Variants in CEACAM6 observed in about 807,000 individuals in gnomAD.
CEACAM6 encodes the protein cell adhesion molecule CEACAM6.
Under a neutral mutation model 32.4 loss-of-function variants are expected in CEACAM6, and 21 were observed. The ratio of observed to expected loss-of-function variants is 0.65; its 90% CI spans 0.46 to 0.93. CEACAM6 has a LOEUF of 0.93. CEACAM6 is among the 40% of genes least tolerant of loss of function. CEACAM6 has a pLI of 0.00. For synonymous variants in CEACAM6, 184 were observed against 174.4 expected, an observed-to-expected ratio of 1.06 and a Z score of -0.43; for missense variants, 406 against 432.2, an observed-to-expected ratio of 0.94 and a Z score of 0.54.
rs536628621 is a variant in CEACAM6 at position 41,756,020 on chromosome 19, A to G, written c.64+318A>G. ...AATAAAAATATAACAAGGAAACTAA[A>G]TGCTGCCCTTACTCACCAATCAGAA... On this transcript the variant is annotated intron_variant, in intron 1 of 5. Coordinates refer to ENST00000199764, the MANE Select transcript of CEACAM6 (RefSeq NM_002483.7). 5.3e-5 allele frequency among the ~76,000 whole-genome samples: 8 copies of G among 152,332 alleles called. No homozygotes were observed. The East Asian group carries it at 1.3e-3, about 26-fold the overall frequency.
chr19:41,766,129 G>A, intron 4 of CEACAM6, 54 bp from the exon 5 acceptor site: 2 of 1,267,996 alleles, frequency 1.6e-6, no homozygotes. Context: ...TAGTTCTTGG[G>A]GACCCCACTG....
intron 2 of CEACAM6, among the ~76,000 whole-genome samples, chr19:41,757,350 C>A (rs2072895055): frequency 6.6e-6 from 1 of 152,040 alleles, no homozygotes; most frequent in South Asian, 2.1e-4. Context: ...AACTGAGCCC[C>A]TGTACAAAGC....
chr19:41,766,251 C>T lies in CEACAM6; in HGVS notation c.1027C>T (p.Leu343=), dbSNP rs781991656. ...ITIGVLARVA[L]I ...GATTGGAGTGCTGGCCAGGGTGGCT[C>T]TGATATAGCAGCCCTGGTGTATTTT... Residue 343 remains leucine (L), a synonymous_variant, in exon 5 of 6, where the codon CTG becomes TTG. Transcript: ENST00000199764. The T allele has an allele frequency of 1.9e-6, 3 of 1,597,648 alleles. No individual in the cohort carries two copies. The East Asian group carries it at 6.9e-5, about 37-fold the overall frequency.
rs781914931 is a variant in CEACAM6, at chr19:41,766,268, G to T, written c.*9G>T. ...GGGTGGCTCTGATATAGCAGCCCTG[G>T]TGTATTTTCGATATTTCAGGAAGAC... On this transcript the variant is annotated 3_prime_UTR_variant, in exon 5 of 6. Coordinates refer to ENST00000199764, the MANE Select transcript of CEACAM6 (RefSeq NM_002483.7). The T allele has an allele frequency of 1.5e-5, 24 of 1,579,732 alleles. No individual in the cohort carries two copies. Among genetic ancestry groups the T allele is most frequent in the Non-Finnish European group, 2.1e-5 (24 of 1,163,830 alleles).
At chr19:41,766,406 G>A (rs1216858024) in intron 5 of CEACAM6, 107 bp downstream of exon 5, 8 of 521,288 alleles carry the variant, frequency 1.5e-5, no homozygotes, top group East Asian at 1.4e-4. Context: ...TCCTTCTACC[G>A]CTAAACTCCT....
intron 2 of CEACAM6, among the ~76,000 whole-genome samples, chr19:41,760,494 G>T (rs1280995024): frequency 6.6e-6 from 1 of 152,190 alleles, no homozygotes. Context: ...CGCAGAGGGA[G>T]AAGAAACATT....
chr19:41,762,114 G>A lies in CEACAM6; in HGVS notation c.849G>A (p.Glu283=). 6.2e-7 allele frequency: 1 copy of A among 1,614,136 alleles called. No individual in the cohort carries two copies. The highest frequency in any genetic ancestry group is 8.5e-7 in the Non-Finnish European group (1 of 1,180,018). ...INGTFQQSTQ[E]LFIPNITVNN... is the part of the protein sequence containing the mutation. ...GGACGTTCCAGCAATCCACACAAGA[G>A]CTCTTTATCCCCAACATCACTGTGA... Residue 283 remains glutamate, a synonymous_variant, in exon 4 of 6, where the codon GAG becomes GAA. Transcript: ENST00000199764.
At chr19:41,759,094 C>G (rs2072907405) in intron 2 of CEACAM6, among the ~76,000 whole-genome samples, 1 of 152,248 alleles carries the variant, frequency 6.6e-6, no homozygotes, top group Admixed American at 6.5e-5. Flanking sequence ...CATCCATTGA[C>G]TTCCGTCCTC....
intron 4 of CEACAM6, among the ~76,000 whole-genome samples, chr19:41,762,754 C>A (rs528581085): frequency 1.3e-5 from 2 of 152,326 alleles, no homozygotes; most frequent in African/African-American, 4.8e-5. Flanking sequence ...ACTGACCCCA[C>A]CCTGAAGCCA....
At chr19:41,759,255 C>A (rs1468155123) in intron 2 of CEACAM6, among the ~76,000 whole-genome samples, 1 of 152,190 alleles carries the variant, frequency 6.6e-6, no homozygotes, top group Non-Finnish European at 1.5e-5. Flanking sequence ...GGTGGGGTCC[C>A]TTGGACTGAG....
chr19:41,762,209 T>C lies in CEACAM6; in HGVS notation c.944T>C (p.Met315Thr). The change falls in exon 4 of 6, where the codon ATG (methionine) becomes ACG (threonine). Residue 315 changes from methionine to threonine, a missense_variant. By Grantham distance (81) the Met-to-Thr change is moderately conservative (BLOSUM62 -1). Transcript: ENST00000199764. Reference sequence around the variant, plus strand: ...GGCCTCAATAGGACCACAGTCACGATGATCACAGTCTCTGGTAAGTGGATC... The same window carrying C: ...GGCCTCAATAGGACCACAGTCACGACGATCACAGTCTCTGGTAAGTGGATC... Reference protein sequence around the residue: ...ATGLNRTTVTMITVSGSAPVL... With the variant: ...ATGLNRTTVTTITVSGSAPVL... 5 of 1,614,018 alleles carry C rather than the reference T, an allele frequency of 3.1e-6. No individual in the cohort carries two copies. The highest frequency in any genetic ancestry group is 1.1e-5 in the South Asian group (1 of 91,076).
chr19:41,759,938 C>A (rs560483714), intron 2 of CEACAM6, among the ~76,000 whole-genome samples: 42 of 152,324 alleles, frequency 2.8e-4, no homozygotes, highest in African/African-American at 9.6e-4. Context: ...GAAATGCTCA[C>A]TGGAGCATTT....
intron 5 of CEACAM6, among the ~76,000 whole-genome samples, chr19:41,768,706 G>A (rs548259505): frequency 0.012 from 1,780 of 151,346 alleles, 28 homozygotes; most frequent in African/African-American, 0.04. Flanking sequence ...CCTCCCAGAC[G>A]GGGCGGCTGG....
Position 41,756,950 on chromosome 19 carries a change from C to CA in CEACAM6, c.416dup (p.His139GlnfsTer30). 1 of 1,603,870 alleles carries CA rather than the reference C, an allele frequency of 6.2e-7. No homozygotes were observed. Among genetic ancestry groups the CA allele is most frequent in the Non-Finnish European group, 8.5e-7 (1 of 1,173,878 alleles). On this transcript the variant is annotated frameshift_variant, in exon 2 of 6. Coordinates refer to ENST00000199764, the MANE Select transcript of CEACAM6 (RefSeq NM_002483.7). LOFTEE classifies it high-confidence loss of function. ...GAATGAAGAAGCAACCGGACAGTTC[C>CA]ATGTATACCGTGAGTATTTCCACAT... is the stretch of plus-strand genomic sequence containing the variant.
intron 5 of CEACAM6, among the ~76,000 whole-genome samples, chr19:41,767,179 T>C (rs1555822472): frequency 6.6e-6 from 1 of 152,182 alleles, no homozygotes. Flanking sequence ...TTACCCCGGA[T>C]GCACATAGAA....
At chr19:41,766,530 T>G (rs1422633695) in intron 5 of CEACAM6, among the ~76,000 whole-genome samples, 2 of 152,166 alleles carry the variant, frequency 1.3e-5, no homozygotes, top group Admixed American at 6.5e-5. Context: ...TTTCCTAGAG[T>G]CAATACATTG....
intron 4 of CEACAM6, among the ~76,000 whole-genome samples, chr19:41,764,631 C>T (rs1348789362): frequency 6.6e-6 from 1 of 152,068 alleles, no homozygotes; most frequent in Non-Finnish European, 1.5e-5. Context: ...CTCTTTTTTT[C>T]TCAGTCAACC....
chr19:41,757,015 C>G, intron 2 of CEACAM6, 56 bp downstream of exon 2: 1 of 1,556,172 alleles, frequency 6.4e-7, no homozygotes, highest in Non-Finnish European at 8.7e-7. Flanking sequence ...TTCCCACATA[C>G]GGGATTGTCA....
chr19:41,755,692 C>T lies in CEACAM6; in HGVS notation c.54C>T (p.Val18=), dbSNP rs1044253130. 10 of 1,604,570 alleles carry T rather than the reference C, an allele frequency of 6.2e-6. No homozygotes were observed. In the Admixed American group the frequency reaches 8.6e-5, roughly 14 times the overall value. The change falls in exon 1 of 6, where the codon GTC becomes GTT. Residue 18 remains valine, a synonymous_variant. Transcript: ENST00000199764. ...PCRLHVPWKE[V]LLTASLLTFW... Reference sequence around the variant, plus strand: ...GATTGCATGTCCCCTGGAAGGAGGTCCTGCTCACAGGTGAGGGGAGGACTC... The same window carrying T: ...GATTGCATGTCCCCTGGAAGGAGGTTCTGCTCACAGGTGAGGGGAGGACTC...
Sources: gnomAD v4.1 joint callset for allele counts (sites outside exome capture counted in the v4.1 genomes callset) on GRCh38, gnomAD v4.1.1 for gene constraint, MANE v1.5 for transcripts, NCBI Gene and HGNC (gene_info 2026-07-23, HGNC 2026-07-21) for gene names.